CEP295: variants seen among roughly 807,000 people sequenced by gnomAD.
CEP295 encodes the protein centrosomal protein of 295 kDa.
A neutral mutation model predicts 291.6 loss-of-function variants in CEP295; 190 were observed. The ratio of observed to expected loss-of-function variants is 0.65; its 90% confidence interval spans 0.58 to 0.73. The LOEUF (loss-of-function observed/expected upper bound fraction) is 0.73, where lower values mean the gene tolerates loss of function less well. Ranked by LOEUF, CEP295 falls within the 30% of genes least tolerant of loss-of-function variation. CEP295 has a pLI of 0.00. For synonymous variants in CEP295, 993 were observed against 1,038.8 expected, an observed-to-expected ratio of 0.96 and a Z score of 0.85; for missense variants, 2,863 against 2,949.4, an observed-to-expected ratio of 0.97 and a Z score of 0.68.
chr11:93,690,666 C>T (rs1391416363), intron 10 of CEP295, among the ~76,000 whole-genome samples: 3 of 138,186 alleles, frequency 2.2e-5, no homozygotes, highest in Non-Finnish European at 4.5e-5. Flanking sequence ...AGAGGCAGAG[C>T]TTGCAGTGAG....
chr11:93,717,818 C>T (rs1953383194), intron 18 of CEP295, among the ~76,000 whole-genome samples: 1 of 152,092 alleles, frequency 6.6e-6, no homozygotes, highest in Non-Finnish European at 1.5e-5. Context: ...AACAGAACAC[C>T]AGGGCATTAC....
chr11:93,675,025 G>A (rs1950622491), intron 5 of CEP295, among the ~76,000 whole-genome samples: 1 of 152,172 alleles, frequency 6.6e-6, no homozygotes, highest in South Asian at 2.1e-4. Context: ...AAAGGGAAGG[G>A]GGAAGGTAGT....
chr11:93,714,863 G>C (rs1591123428), intron 18 of CEP295, among the ~76,000 whole-genome samples: 1 of 149,516 alleles, frequency 6.7e-6, no homozygotes, highest in South Asian at 2.1e-4. Flanking sequence ...CTCTCTCTCT[G>C]TGCTGAGCTG....
At chr11:93,707,919 T>TA (rs1952627204) in intron 18 of CEP295, among the ~76,000 whole-genome samples, 1 of 152,238 alleles carries the variant, frequency 6.6e-6, no homozygotes, top group Non-Finnish European at 1.5e-5. Flanking sequence ...GAGGGTTTAT[T>TA]AAAAAATTGA....
At chr11:93,710,715 A>T (rs1016587982) in intron 18 of CEP295, among the ~76,000 whole-genome samples, 1 of 152,142 alleles carries the variant, frequency 6.6e-6, no homozygotes, top group Non-Finnish European at 1.5e-5. Context: ...GTGTTCGGTA[A>T]AATTCAGCAG....
At chr11:93,681,395 C>A (rs1311228282) in intron 7 of CEP295, among the ~76,000 whole-genome samples, 1 of 132,070 alleles carries the variant, frequency 7.6e-6, no homozygotes, top group Admixed American at 8.6e-5. Context: ...CGTCACCACA[C>A]CCAGCTAATT....
At position 93,684,114 on chromosome 11, in the gene CEP295, C is replaced by T; in HGVS notation, c.1100C>T (p.Ser367Phe). Reference sequence around the variant, plus strand: ...CCAGTGACAGAAGCTGAAATATGTTCTAGTGAAACAGATGGTAAAAACCCT... The same window carrying T: ...CCAGTGACAGAAGCTGAAATATGTTTTAGTGAAACAGATGGTAAAAACCCT... ...DLPVTEAEIC[S>F]SETDVPLVMK... Residue 367 changes from serine (S) to phenylalanine (F), a missense_variant, in exon 9 of 30, where the codon TCT (serine) becomes TTT (phenylalanine). By Grantham distance (155) the Ser-to-Phe change is radical. This residue lies in a region of CEP295 where 554 missense variants were observed against 576.0 expected (regional missense o/e 0.96). Transcript: ENST00000325212. 6.4e-7 allele frequency: 1 copy of T among 1,550,904 alleles called. No individual in the cohort carries two copies. Among genetic ancestry groups the T allele is most frequent in the Non-Finnish European group, 8.7e-7 (1 of 1,146,766 alleles).
intron 15 of CEP295, among the ~76,000 whole-genome samples, chr11:93,700,657 G>A (rs995031205): frequency 9.2e-5 from 14 of 151,438 alleles, no homozygotes; most frequent in East Asian, 7.7e-4. Context: ...TACAAAGTGC[G>A]GGGATTACAG....
intron 7 of CEP295, 21 bp from the exon 8 acceptor site, chr11:93,683,538 T>C: frequency 1.4e-6 from 2 of 1,480,596 alleles, no homozygotes; most frequent in Non-Finnish European, 1.8e-6. Context: ...CAGTTTTTGT[T>C]AATTCTCTTT....
At chr11:93,685,497 G>T (rs1197347488) in intron 9 of CEP295, among the ~76,000 whole-genome samples, 3 of 152,122 alleles carry the variant, frequency 2.0e-5, no homozygotes, top group Non-Finnish European at 4.4e-5. Flanking sequence ...TGCCTACATT[G>T]TTGTCCAAAC....
chr11:93,680,000 G>A (rs955951915), intron 7 of CEP295, among the ~76,000 whole-genome samples: 1 of 152,228 alleles, frequency 6.6e-6, no homozygotes, highest in South Asian at 2.1e-4. Flanking sequence ...CAATAGGCCA[G>A]GCATGGTGGC....
At chr11:93,670,736 G>A (rs1266497485) in intron 5 of CEP295, among the ~76,000 whole-genome samples, 1 of 152,034 alleles carries the variant, frequency 6.6e-6, no homozygotes, top group African/African-American at 2.4e-5. Flanking sequence ...ATAAAAGCCA[G>A]GCAATGTATT....
In CEP295 at chr11:93,728,681, G is replaced by A; in HGVS notation, c.7162G>A (p.Glu2388Lys). ...TTTTCCTTTTAATTGTGGTTCACAG[G>A]AAACAGAAACTGGCCATGGTATAAT... is the stretch of plus-strand genomic sequence containing the variant. ...FSLQSSIPVW[E>K]TETGHGIMEE... Residue 2388 changes from glutamate (E) to lysine (K), a missense_variant and splice_region_variant, in exon 25 of 30, where the codon GAA becomes AAA. By Grantham distance (56) the Glu-to-Lys change is moderately conservative (BLOSUM62 1). Transcript: ENST00000325212. 2.0e-6 allele frequency: 3 copies of A among 1,528,710 alleles called. No homozygotes were observed. The highest frequency in any genetic ancestry group is 2.6e-6 in the Non-Finnish European group (3 of 1,139,958). The allele number at this position is 1,528,710 out of a possible 1,614,324, so 94.7% of individuals were successfully genotyped here. A position where few individuals can be genotyped will look rare whatever the true frequency, so the allele number is the denominator to read the frequency against.
At position 93,730,137 on chromosome 11, in the gene CEP295, G is replaced by C. The variant is rs750222886; in HGVS notation, c.7756G>C (p.Glu2586Gln). 43 of 1,550,894 alleles carry C rather than the reference G, an allele frequency of 2.8e-5. No homozygotes were observed. In the African/African-American group the frequency reaches 5.9e-4, roughly 21 times the overall value. The change falls in exon 29 of 30, where the codon GAA becomes CAA. Residue 2586 changes from glutamate (E) to glutamine (Q), a missense_variant. Coordinates refer to ENST00000325212, the MANE Select transcript of CEP295 (RefSeq NM_033395.2). ...AYAQNRARAK[E>Q]FHKKTLEKLR... ...TGCCCAAAACAGAGCAAGGGCAAAAGAATTCCATAAGGTGAGTATAACTGA... is the reference window on the plus strand; with the variant it reads ...TGCCCAAAACAGAGCAAGGGCAAAACAATTCCATAAGGTGAGTATAACTGA...
intron 24 of CEP295, chr11:93,727,840 CA>C (rs1954271554): frequency 2.1e-6 from 1 of 483,940 alleles, no homozygotes. Flanking sequence ...AAACAAAATA[CA>C]AGCAAAACTG....
intron 17 of CEP295, among the ~76,000 whole-genome samples, chr11:93,703,355 T>C (rs1193977376): frequency 6.6e-6 from 1 of 151,918 alleles, no homozygotes; most frequent in Non-Finnish European, 1.5e-5. Flanking sequence ...CTGACTTTCA[T>C]GAAAAGGAAA....
chr11:93,717,147 T>C (rs1014335095), intron 18 of CEP295, among the ~76,000 whole-genome samples: 3 of 152,156 alleles, frequency 2.0e-5, no homozygotes, highest in Non-Finnish European at 4.4e-5. Context: ...TTCTCTTTAA[T>C]TTTATTTTTC....
At chr11:93,682,626 A>C (rs1951031219) in intron 7 of CEP295, among the ~76,000 whole-genome samples, 1 of 151,642 alleles carries the variant, frequency 6.6e-6, no homozygotes, top group African/African-American at 2.4e-5. Context: ...TCTCACTGCT[A>C]ATAGAGGATT....
Position 93,692,050 on chromosome 11 carries a change from T to A in CEP295, c.1533+20T>A, listed in dbSNP as rs1373769349. 3 of 1,336,400 alleles carry A rather than the reference T, an allele frequency of 2.2e-6. No individual in the cohort carries two copies. The African/African-American group carries it at 4.4e-5, about 19-fold the overall frequency. The allele number at this position is 1,336,400 out of a possible 1,614,324, so 82.8% of individuals were successfully genotyped here. ...AAACAGGTAATTTGAAATTTTATTT[T>A]TAAAGGTTTATTTTTCCCCTAGGTA... is the stretch of plus-strand genomic sequence containing the variant. On this transcript the variant is annotated intron_variant, in intron 12 of 29. Transcript: ENST00000325212.
Sources: allele counts gnomAD v4.1 joint callset (sites outside exome capture counted in the v4.1 genomes callset), GRCh38; gene constraint gnomAD v4.1.1; regional missense constraint gnomAD v4.1.1; transcripts MANE v1.5; gene names NCBI Gene and HGNC (gene_info 2026-07-23, HGNC 2026-07-21).